WWC2: variants seen among roughly 807,000 people sequenced by gnomAD.
The protein encoded by WWC2 is WW and C2 domain containing 2.
WWC2 carries 101 observed loss-of-function variants against 138.5 expected under a neutral mutation model. The ratio of observed to expected loss-of-function variants is 0.73; its 90% CI spans 0.62 to 0.86. The LOEUF is 0.86. Among genes scored for constraint, WWC2 ranks in the 40% least tolerant of loss-of-function variants. WWC2 has a pLI of 0.00. For missense variants in WWC2, 1,420 were observed against 1,419.4 expected (o/e 1.00, Z -0.01); for synonymous variants, 558 against 538.4 (o/e 1.04, Z -0.50).
intron 21 of WWC2, among the ~76,000 whole-genome samples, chr4:183,309,308 C>A (rs150141133): frequency 6.6e-6 from 1 of 152,140 alleles, no homozygotes; most frequent in African/African-American, 2.4e-5. Flanking sequence ...ACAAGCCACA[C>A]GTTGGGAGAA....
At chr4:183,117,370 G>A (rs1048276049) in intron 1 of WWC2, among the ~76,000 whole-genome samples, 15 of 151,638 alleles carry the variant, frequency 9.9e-5, no homozygotes, top group East Asian at 5.8e-4. Flanking sequence ...ACAGGTGCCC[G>A]CCACCATGCC....
At chr4:183,185,132 C>T (rs1187639278) in intron 1 of WWC2, among the ~76,000 whole-genome samples, 6 of 151,876 alleles carry the variant, frequency 4.0e-5, no homozygotes, top group Non-Finnish European at 5.9e-5. Context: ...AGGTCCTTCC[C>T]AAATCTACTG....
rs368133465 is a variant in WWC2, at chr4:183,320,261, C to T, written c.*4532C>T. 173 of 1,545,234 alleles carry T rather than the reference C, an allele frequency of 1.1e-4. 1 individual carries two copies. The highest frequency in any genetic ancestry group is 1.2e-4 in the Non-Finnish European group (140 of 1,140,260). ...TTTAGCCAAACTAACTCCTGCCCTT[C>T]GGTTGCTGTGAAAAGAAGTGTGACA... On this transcript the variant is annotated 3_prime_UTR_variant, in exon 23 of 23. Coordinates refer to ENST00000403733, the MANE Select transcript of WWC2 (RefSeq NM_024949.6).
chr4:183,119,864 C>T (rs72691687), intron 1 of WWC2, among the ~76,000 whole-genome samples: 6,551 of 152,208 alleles, frequency 0.043, 177 homozygotes, highest in African/African-American at 0.072. Context: ...CCACGATTTT[C>T]ATTTCTTCTG....
chr4:183,122,495 A>G (rs1252117124), intron 1 of WWC2, among the ~76,000 whole-genome samples: 1 of 152,202 alleles, frequency 6.6e-6, no homozygotes, highest in African/African-American at 2.4e-5. Context: ...GTAAAAAATT[A>G]GTATCCTGAA....
intron 1 of WWC2, among the ~76,000 whole-genome samples, chr4:183,112,204 A>AT (rs957924698): frequency 6.6e-6 from 1 of 152,112 alleles, no homozygotes; most frequent in African/African-American, 2.4e-5. Context: ...TCAGTCCTTC[A>AT]TTTACCCCTG....
rs540320309 is a variant in WWC2 at position 183,316,589 on chromosome 4, A to T, written c.*860A>T. The T allele has an allele frequency of 6.6e-6, 1 of 152,228 alleles. No homozygotes were observed. Among genetic ancestry groups the T allele is most frequent in the African/African-American group, 2.4e-5 (1 of 41,434 alleles). The allele number at this position is 152,228 out of a possible 1,614,324, so 9.4% of individuals were successfully genotyped here. A position where few individuals can be genotyped will look rare whatever the true frequency, so the allele number is the denominator to read the frequency against. ...CTAGTGTTTTGCCCTAAATCTAAGGATGGTGCCTAGTGGTGGCCCTGTGTT... is the reference window on the plus strand; with the variant it reads ...CTAGTGTTTTGCCCTAAATCTAAGGTTGGTGCCTAGTGGTGGCCCTGTGTT... On this transcript the variant is annotated 3_prime_UTR_variant, in exon 23 of 23. Transcript: ENST00000403733.
intron 1 of WWC2, among the ~76,000 whole-genome samples, chr4:183,119,925 A>G (rs1310169774): frequency 1.3e-5 from 2 of 152,196 alleles, no homozygotes; most frequent in Non-Finnish European, 2.9e-5. Context: ...ATCCATAGTG[A>G]TAATTATATG....
At chr4:183,246,083 A>G (rs549441937) in intron 6 of WWC2, among the ~76,000 whole-genome samples, 17 of 152,294 alleles carry the variant, frequency 1.1e-4, no homozygotes, top group South Asian at 8.3e-4. Flanking sequence ...AAAGCTGCCA[A>G]TGGCCATAGA....
intron 1 of WWC2, among the ~76,000 whole-genome samples, chr4:183,149,659 A>G (rs944719845): frequency 5.4e-5 from 8 of 149,154 alleles, no homozygotes; most frequent in African/African-American, 1.7e-4. Flanking sequence ...TTTTTAATCT[A>G]TAGCTTCTCT....
intron 21 of WWC2, among the ~76,000 whole-genome samples, chr4:183,292,992 G>T (rs1738510204): frequency 6.6e-6 from 1 of 152,226 alleles, no homozygotes; most frequent in Admixed American, 6.5e-5. Flanking sequence ...CTTTCGCTCT[G>T]TTACCCAGGC....
chr4:183,150,174 T>G (rs922006891), intron 1 of WWC2, among the ~76,000 whole-genome samples: 1 of 152,252 alleles, frequency 6.6e-6, no homozygotes, highest in Non-Finnish European at 1.5e-5. Context: ...AAGAATGGAC[T>G]CTGTACCTGT....
intron 9 of WWC2, among the ~76,000 whole-genome samples, chr4:183,259,378 C>A (rs539192255): frequency 6.6e-6 from 1 of 152,102 alleles, no homozygotes; most frequent in African/African-American, 2.4e-5. Context: ...ATTACTTACC[C>A]ATTTAAAAAG....
chr4:183,186,235 T>C (rs547927835), intron 1 of WWC2, among the ~76,000 whole-genome samples: 7 of 152,308 alleles, frequency 4.6e-5, no homozygotes, highest in Non-Finnish European at 1.0e-4. Flanking sequence ...TAATCCACTG[T>C]GCCTGGCCTA....
At chr4:183,283,305 G>A (rs757595846) in intron 18 of WWC2, among the ~76,000 whole-genome samples, 2 of 152,146 alleles carry the variant, frequency 1.3e-5, no homozygotes, top group African/African-American at 4.8e-5. Context: ...TTGGTTAGGC[G>A]ATGCCCTGAT....
rs1172261303 is a variant in WWC2, at chr4:183,127,080, AT to A, written c.131+27460del. On this transcript the variant is annotated intron_variant, in intron 1 of 22. Coordinates refer to ENST00000403733, the MANE Select transcript of WWC2 (RefSeq NM_024949.6). ...TGAAGAAAGGGTCAAAGTCATGAGA[AT>A]TACAAATGTCACTGGAAAGCAGAAT... is the stretch of plus-strand genomic sequence containing the variant. Among the ~76,000 whole-genome samples, 4 of 152,138 alleles carry A rather than the reference AT, an allele frequency of 2.6e-5. No individual in the cohort carries two copies. The East Asian group carries it at 7.7e-4, about 29-fold the overall frequency.
chr4:183,309,113 A>G (rs767891512), intron 21 of WWC2, among the ~76,000 whole-genome samples: 14 of 152,232 alleles, frequency 9.2e-5, no homozygotes, highest in Non-Finnish European at 1.5e-5. Flanking sequence ...CTAAATGTAG[A>G]ATGTAAACTA....
chr4:183,173,038 C>T (rs1210756543), intron 1 of WWC2, among the ~76,000 whole-genome samples: 1 of 151,772 alleles, frequency 6.6e-6, no homozygotes, highest in Non-Finnish European at 1.5e-5. Context: ...CTCCCCTTCT[C>T]TCCCCTCTCC....
At chr4:183,314,526 C>A (rs1462896958) in intron 22 of WWC2, among the ~76,000 whole-genome samples, 1 of 152,210 alleles carries the variant, frequency 6.6e-6, no homozygotes. Context: ...TGAGATCAGG[C>A]AGCGGTGGGG....
Sources: allele counts gnomAD v4.1 joint callset (sites outside exome capture counted in the v4.1 genomes callset), GRCh38; gene constraint gnomAD v4.1.1; transcripts MANE v1.5; gene names NCBI Gene and HGNC (gene_info 2026-07-23, HGNC 2026-07-21).